PRIM2: variants seen among roughly 807,000 people sequenced by gnomAD.
The protein encoded by PRIM2 is DNA primase large subunit.
In PRIM2, 39 loss-of-function variants were observed where a neutral mutation model predicts 67.3. The ratio of observed to expected loss-of-function variants is 0.58; its 90% CI spans 0.45 to 0.76. PRIM2 has a LOEUF of 0.76. Ranked by LOEUF, PRIM2 falls within the 30% of genes least tolerant of loss-of-function variation. The pLI, the probability that PRIM2 is intolerant of heterozygous loss-of-function variation, is 0.00. For synonymous variants in PRIM2, 143 were observed against 198.7 expected (o/e 0.72, Z 2.36); for missense variants, 398 against 598.7 (o/e 0.66, Z 3.50).
Position 57,501,488 on chromosome 6 carries a change from C to T in PRIM2, c.694-5899C>T, listed in dbSNP as rs1554346877. Reference sequence around the variant, plus strand: ...CTAGTTTTTGTATTTTTAGTAGAGACGGGATTTCACCATGTTGTCCAGGCT... The same window carrying T: ...CTAGTTTTTGTATTTTTAGTAGAGATGGGATTTCACCATGTTGTCCAGGCT... On this transcript the variant is annotated intron_variant, in intron 7 of 13. Transcript: ENST00000615550. 5.3e-5 allele frequency among the ~76,000 whole-genome samples: 8 copies of T among 152,012 alleles called. No homozygotes were observed. The South Asian group carries it at 6.2e-4, about 12-fold the overall frequency.
At chr6:57,273,002 T>A in the PRIM2 span, among the ~76,000 whole-genome samples, 34 of 152,238 alleles carry the variant, frequency 2.2e-4, no homozygotes, top group African/African-American at 7.2e-4. Flanking sequence ...ATCAGCTGTT[T>A]GTCTGATGGG....
the PRIM2 span, among the ~76,000 whole-genome samples, chr6:57,246,479 G>A: frequency 1.3e-5 from 2 of 152,166 alleles, no homozygotes; most frequent in Non-Finnish European, 2.9e-5. Context: ...CAGGAGATAC[G>A]CCGTCCTATC....
In PRIM2 at chr6:57,445,864, G is replaced by A. The variant is rs543133197; in HGVS notation, c.694-61523G>A. The stretch of plus-strand genomic sequence containing the variant: ...ACATGAAAATCTGATTACCAAAGGG[G>A]TTGTGCTTCCTGCAGTTCAGTGTAG... On this transcript the variant is annotated intron_variant, in intron 7 of 13. Coordinates refer to ENST00000615550, the MANE Select transcript of PRIM2 (RefSeq NM_000947.5). 3.3e-5 allele frequency among the ~76,000 whole-genome samples: 5 copies of A among 152,292 alleles called. No individual in the cohort carries two copies. The East Asian group carries it at 9.7e-4, about 29-fold the overall frequency.
chr6:57,326,333 C>T (rs760776725), intron 5 of PRIM2: 11 of 234,392 alleles, frequency 4.7e-5, no homozygotes, highest in South Asian at 1.3e-4. Context: ...AAAATTTTGT[C>T]GGCCAAAATA....
intron 10 of PRIM2, among the ~76,000 whole-genome samples, chr6:57,577,957 T>C (rs1775993269): frequency 6.6e-6 from 1 of 152,208 alleles, no homozygotes; most frequent in Non-Finnish European, 1.5e-5. Context: ...CAAGATCCAG[T>C]TCAAGACTCC....
At chr6:57,236,158 C>T in the PRIM2 span, among the ~76,000 whole-genome samples, 1 of 152,138 alleles carries the variant, frequency 6.6e-6, no homozygotes, top group Admixed American at 6.5e-5. Flanking sequence ...TTTTTCCTTG[C>T]TTCACTGACT....
intron 7 of PRIM2, among the ~76,000 whole-genome samples, chr6:57,489,352 C>T (rs1426387420): frequency 2.6e-5 from 4 of 152,180 alleles, no homozygotes; most frequent in African/African-American, 7.2e-5. Context: ...GTCAGGAGAT[C>T]GAGACCATCC....
At chr6:57,419,573 G>A (rs7764802) in intron 7 of PRIM2, among the ~76,000 whole-genome samples, 63 of 152,062 alleles carry the variant, frequency 4.1e-4, no homozygotes, top group African/African-American at 2.2e-4. Context: ...GGGAATTTGG[G>A]CTCCAGCCAA....
chr6:57,547,251 T>C (rs1775307870), intron 10 of PRIM2, among the ~76,000 whole-genome samples: 1 of 152,176 alleles, frequency 6.6e-6, no homozygotes, highest in African/African-American at 2.4e-5. Flanking sequence ...TTATTTTTTA[T>C]TTTTAAAATT....
intron 5 of PRIM2, among the ~76,000 whole-genome samples, chr6:57,378,809 G>GTGTTT (rs61575061): frequency 2.0e-5 from 3 of 152,120 alleles, no homozygotes; most frequent in South Asian, 2.1e-4. Flanking sequence ...AATTTTATCA[G>GTGTTT]TGTTTTGTTT....
At chr6:57,641,832 C>G (rs1336932686) in intron 13 of PRIM2, among the ~76,000 whole-genome samples, 13 of 152,152 alleles carry the variant, frequency 8.5e-5, no homozygotes, top group Non-Finnish European at 1.8e-4. Context: ...GGCGATTTCT[C>G]AAGGATCTAG....
At chr6:57,249,742 CACAA>C in the PRIM2 span, among the ~76,000 whole-genome samples, 11 of 152,056 alleles carry the variant, frequency 7.2e-5, no homozygotes, top group Admixed American at 6.6e-4. Flanking sequence ...AACTGCGTCT[CACAA>C]ACAAACAAAC....
intron 8 of PRIM2, among the ~76,000 whole-genome samples, chr6:57,516,215 A>C (rs1453758374): frequency 6.6e-6 from 1 of 152,118 alleles, no homozygotes; most frequent in Non-Finnish European, 1.5e-5. Context: ...TAAGATCCTT[A>C]ACCTTAATTA....
At chr6:57,280,817 T>C in the PRIM2 span, among the ~76,000 whole-genome samples, 1 of 151,772 alleles carries the variant, frequency 6.6e-6, no homozygotes, top group South Asian at 2.1e-4. Flanking sequence ...TGTACTATCT[T>C]TTTTTTTAAA....
intron 7 of PRIM2, among the ~76,000 whole-genome samples, chr6:57,405,850 T>C (rs564618698): frequency 6.6e-6 from 1 of 152,024 alleles, no homozygotes; most frequent in African/African-American, 2.4e-5. Flanking sequence ...TTTAATTGTG[T>C]CTGGTACACA....
At chr6:57,442,572 T>C (rs937567206) in intron 7 of PRIM2, among the ~76,000 whole-genome samples, 19 of 152,092 alleles carry the variant, frequency 1.2e-4, no homozygotes, top group Non-Finnish European at 2.6e-4. Context: ...GCACCAATCC[T>C]CCTTTTGTCA....
intron 13 of PRIM2, among the ~76,000 whole-genome samples, chr6:57,638,716 C>A (rs1193680599): frequency 1.4e-3 from 215 of 152,068 alleles, no homozygotes; most frequent in Non-Finnish European, 2.4e-3. Context: ...GCTAACTATC[C>A]TAAATATATA....
chr6:57,529,712 A>G (rs1280447178), intron 8 of PRIM2, among the ~76,000 whole-genome samples: 1 of 152,254 alleles, frequency 6.6e-6, no homozygotes, highest in Non-Finnish European at 1.5e-5. Flanking sequence ...TTCAAGCCCT[A>G]TAGGTTGGAA....
intron 10 of PRIM2, among the ~76,000 whole-genome samples, chr6:57,542,927 A>G (rs2127472195): frequency 8.4e-6 from 1 of 118,972 alleles, no homozygotes; most frequent in Non-Finnish European, 1.8e-5. Context: ...GGCTTAAAAT[A>G]CTGCTTATAG....
Sources: allele counts gnomAD v4.1 joint callset (sites outside exome capture counted in the v4.1 genomes callset), GRCh38; gene constraint gnomAD v4.1.1; transcripts MANE v1.5; gene names NCBI Gene and HGNC (gene_info 2026-07-23, HGNC 2026-07-21).